PAH: variants seen among roughly 807,000 people sequenced by gnomAD.
PAH encodes the protein phenylalanine-4-hydroxylase.
In PAH, 64 loss-of-function variants were observed where a neutral mutation model predicts 62.0. The ratio of observed to expected loss-of-function variants is 1.03; its 90% confidence interval spans 0.84 to 1.27. The LOEUF (loss-of-function observed/expected upper bound fraction) is 1.27. PAH is among the 50% of genes most tolerant of loss of function. The pLI, the probability that PAH is intolerant of heterozygous loss-of-function variation, is 0.00. For missense variants in PAH, 579 were observed against 542.8 expected (o/e 1.07, Z -0.66); for synonymous variants, 195 against 196.2 (o/e 0.99, Z 0.05).
intron 4 of PAH, 114 bp downstream of exon 4, chr12:102,877,348 G>A: frequency 1.2e-6 from 1 of 838,034 alleles, no homozygotes; most frequent in African/African-American, 1.7e-5. Context: ...AACACAATAA[G>A]TGTTTGTTGA....
At chr12:102,849,273 C>A (rs113948868) in intron 8 of PAH, among the ~76,000 whole-genome samples, 2 of 152,114 alleles carry the variant, frequency 1.3e-5, no homozygotes, top group African/African-American at 4.8e-5. Context: ...TTCCTATGAA[C>A]TGATAATAGA....
chr12:102,914,954 C>A (rs995747333), intron 1 of PAH, among the ~76,000 whole-genome samples: 1 of 152,162 alleles, frequency 6.6e-6, no homozygotes, highest in Non-Finnish European at 1.5e-5. Context: ...TGCATCGATC[C>A]AGCCTGACAT....
intron 1 of PAH, among the ~76,000 whole-genome samples, chr12:102,941,629 C>T (rs866441767): frequency 6.6e-6 from 1 of 152,076 alleles, no homozygotes; most frequent in Non-Finnish European, 1.5e-5. Context: ...TATATATGCA[C>T]CCCACACTGG....
Position 102,894,429 on chromosome 12 carries a change from T to TA in PAH, c.352+305dup, listed in dbSNP as rs3062651. Among the ~76,000 whole-genome samples, 91,673 of 138,820 alleles carry TA rather than the reference T, an allele frequency of 0.66. 32,793 individuals are homozygous for TA. The highest frequency in any genetic ancestry group is 0.91 in the East Asian group (4,410 of 4,842). The allele number at this position is 138,820 out of a possible 152,430, so 91.1% of individuals were successfully genotyped here. A position where few individuals can be genotyped will look rare whatever the true frequency, so the allele number is the denominator to read the frequency against. On this transcript the variant is annotated intron_variant, in intron 3 of 12. Transcript: ENST00000553106. ...AAATAAAAATTAAAAGCTTATAAAGTAAAAAAAAAAAAGAAAAAAGAAATA... is the reference window on the plus strand; with the variant it reads ...AAATAAAAATTAAAAGCTTATAAAGTAAAAAAAAAAAAAGAAAAAAGAAATA...
At chr12:102,875,853 G>A (rs1277893167) in intron 4 of PAH, among the ~76,000 whole-genome samples, 2 of 151,914 alleles carry the variant, frequency 1.3e-5, no homozygotes, top group Non-Finnish European at 2.9e-5. Context: ...TTGCAATTGG[G>A]TGCTGGTTAG....
chr12:102,905,265 G>A (rs866345474), intron 2 of PAH, among the ~76,000 whole-genome samples: 6 of 152,034 alleles, frequency 3.9e-5, no homozygotes, highest in Admixed American at 1.3e-4. Context: ...ATTCTTCTAC[G>A]GGCAAATAGT....
intron 3 of PAH, among the ~76,000 whole-genome samples, chr12:102,878,127 T>C (rs187411690): frequency 1.3e-5 from 2 of 152,206 alleles, no homozygotes; most frequent in African/African-American, 4.8e-5. Context: ...GTCCGGCCAT[T>C]AGCAGCAGAA....
chr12:102,915,573 A>T (rs1445178957), intron 1 of PAH, among the ~76,000 whole-genome samples: 1 of 152,186 alleles, frequency 6.6e-6, no homozygotes, highest in East Asian at 1.9e-4. Flanking sequence ...AACAGCCTAT[A>T]TTTCACCATG....
intron 3 of PAH, among the ~76,000 whole-genome samples, chr12:102,877,768 T>A (rs1876636964): frequency 6.6e-6 from 1 of 152,224 alleles, no homozygotes. Flanking sequence ...CTGGAGATGT[T>A]CTCTGAATTA....
At chr12:102,913,614 A>C (rs974260028) in intron 1 of PAH, among the ~76,000 whole-genome samples, 13 of 152,234 alleles carry the variant, frequency 8.5e-5, no homozygotes, top group African/African-American at 2.7e-4. Flanking sequence ...TTATAAATAC[A>C]CAAAAATGAC....
intron 2 of PAH, among the ~76,000 whole-genome samples, chr12:102,899,587 C>T (rs1178210661): frequency 6.6e-6 from 1 of 151,884 alleles, no homozygotes; most frequent in East Asian, 1.9e-4. Context: ...CGGCCGGGCG[C>T]GGTGGCTCAC....
rs1874540728 is a variant in PAH, at chr12:102,840,467, T to G, written c.1248A>C (p.Pro416=). 1.9e-6 allele frequency: 3 copies of G among 1,613,992 alleles called. No homozygotes were observed. The South Asian group carries it at 3.3e-5, about 18-fold the overall frequency. ...IPRPFSVRYD[P]YTQRIEVLDN... is the part of the protein sequence containing the mutation. ...CCAAGACCTCAATCCTTTGGGTGTA[T>G]GGGTCGTAGCGAACTGAGAAGGGCC... is the stretch of plus-strand genomic sequence containing the variant. The change falls in exon 12 of 13, where the codon CCA becomes CCC. Residue 416 remains proline (P), a synonymous_variant. Transcript: ENST00000553106.
upstream of PAH, among the ~76,000 whole-genome samples, chr12:102,955,278 G>A (rs922586525): frequency 5.9e-5 from 9 of 152,204 alleles, no homozygotes; most frequent in Non-Finnish European, 1.0e-4. Flanking sequence ...AAGGAAACAC[G>A]TGCTGGCTAC....
chr12:102,945,001 T>G (rs1431285929), intron 1 of PAH: 2 of 152,282 alleles, frequency 1.3e-5, no homozygotes, highest in Non-Finnish European at 2.9e-5. Flanking sequence ...CAAGTAATAC[T>G]GTGGCTCTTG....
chr12:102,927,336 C>T (rs1213167851), intron 1 of PAH, among the ~76,000 whole-genome samples: 1 of 145,166 alleles, frequency 6.9e-6, no homozygotes, highest in African/African-American at 2.6e-5. Context: ...GGGCATCCTT[C>T]CTTGGCCCAG....
At chr12:102,936,316 G>T (rs1376693450) in intron 1 of PAH, among the ~76,000 whole-genome samples, 1 of 152,078 alleles carries the variant, frequency 6.6e-6, no homozygotes, top group Non-Finnish European at 1.5e-5. Context: ...GTCTATTCTT[G>T]AGAATGATCC....
At chr12:102,878,042 T>C (rs1463035710) in intron 3 of PAH, among the ~76,000 whole-genome samples, 2 of 152,128 alleles carry the variant, frequency 1.3e-5, no homozygotes, top group African/African-American at 4.8e-5. Flanking sequence ...ACCAGGCTGG[T>C]CTCAAACTTT....
chr12:102,874,925 A>G (rs1334049726), intron 4 of PAH, among the ~76,000 whole-genome samples: 3 of 152,188 alleles, frequency 2.0e-5, no homozygotes. Context: ...AGGGACAAAG[A>G]GATCACACAG....
intron 2 of PAH, among the ~76,000 whole-genome samples, chr12:102,911,466 T>C (rs1878199080): frequency 6.6e-6 from 1 of 152,164 alleles, no homozygotes; most frequent in Admixed American, 6.5e-5. Flanking sequence ...TGTTTGACCT[T>C]GGGCACATTT....
Sources: gnomAD v4.1 joint callset for allele counts (sites outside exome capture counted in the v4.1 genomes callset) on GRCh38, gnomAD v4.1.1 for gene constraint, MANE v1.5 for transcripts, NCBI Gene and HGNC (gene_info 2026-07-23, HGNC 2026-07-21) for gene names.